The following MST1R variants were observed in gnomAD, a reference collection of about 807,000 sequenced individuals.
MST1R encodes the protein macrophage-stimulating protein receptor.
MST1R carries 99 observed loss-of-function variants against 117.8 expected under a neutral mutation model. The ratio of observed to expected loss-of-function variants is 0.84; its 90% CI spans 0.71 to 0.99. The LOEUF (loss-of-function observed/expected upper bound fraction) is 0.99. MST1R is among the 50% of genes least tolerant of loss of function. MST1R has a pLI of 0.00. For missense variants in MST1R, 1,683 were observed against 1,840.2 expected, an observed-to-expected ratio of 0.91 and a Z score of 1.56; for synonymous variants, 734 against 765.3, an observed-to-expected ratio of 0.96 and a Z score of 0.68.
intron 14 of MST1R, among the ~76,000 whole-genome samples, chr3:49,893,489 A>AGGC (rs2082372853): frequency 6.6e-6 from 1 of 151,642 alleles, no homozygotes; most frequent in African/African-American, 2.4e-5. Flanking sequence ...CTGTAATCCC[A>AGGC]GCTACTAGGG....
chr3:49,902,177 C>T (rs1559483322), intron 1 of MST1R, among the ~76,000 whole-genome samples: 1 of 152,090 alleles, frequency 6.6e-6, no homozygotes, highest in East Asian at 1.9e-4. Flanking sequence ...CAAGGGCCAG[C>T]CTGGGAGCTA....
intron 1 of MST1R, among the ~76,000 whole-genome samples, chr3:49,900,910 T>A (rs554288966): frequency 4.1e-4 from 62 of 152,286 alleles, no homozygotes; most frequent in African/African-American, 1.5e-3. Flanking sequence ...AACCACTATG[T>A]GGGTGCTGCC....
At position 49,902,679 on chromosome 3, in the gene MST1R, C is replaced by A. The variant is rs201805638; in HGVS notation, c.931G>T (p.Ala311Ser). ...RFAPKRRRRG[A>S]PEGGQPYPVL... ...GGGTAGGGCTGTCCGCCTTCTGGGG[C>A]CCCCCGGCGCCTGCGTTTTGGAGCA... Residue 311 changes from alanine (A) to serine (S), a missense_variant, in exon 1 of 20, where the codon GCC (alanine) becomes TCC (serine). Transcript: ENST00000296474. 6.2e-7 allele frequency: 1 copy of A among 1,612,838 alleles called. No individual in the cohort carries two copies. The highest frequency in any genetic ancestry group is 1.7e-5 in the Admixed American group (1 of 60,026).
chr3:49,898,189 A>G lies in MST1R; in HGVS notation c.1742T>C (p.Leu581Pro), dbSNP rs2082547297. The G allele has an allele frequency of 6.2e-7, 1 of 1,613,776 alleles. No homozygotes were observed. The highest frequency in any genetic ancestry group is 1.3e-5 in the African/African-American group (1 of 74,920). The change falls in exon 5 of 20, where the codon CTA (leucine) becomes CCA (proline). Residue 581 changes from leucine to proline, a missense_variant. By Grantham distance (98) the Leu-to-Pro change is moderately conservative (BLOSUM62 -3). Transcript: ENST00000296474. ...LTEFHPHSGP[L>P]RGSTRLTLCG... The stretch of plus-strand genomic sequence containing the variant: ...CAGGGTCAGCCTTGTACTGCCCCTT[A>G]GAGGTCCACTGTGGGGGTGGAACTG...
chr3:49,897,424 G>A lies in MST1R; in HGVS notation c.2047-8C>T, dbSNP rs1299830501. ...TGCTATCAGCACTGGCTCCTAAGAGGACATAGAGGTGGCTTAGGCAGGTCC... is the reference window on the plus strand; with the variant it reads ...TGCTATCAGCACTGGCTCCTAAGAGAACATAGAGGTGGCTTAGGCAGGTCC... On this transcript the variant is annotated splice_polypyrimidine_tract_variant and splice_region_variant and intron_variant, in intron 6 of 19. Coordinates refer to ENST00000296474, the MANE Select transcript of MST1R (RefSeq NM_002447.4). 1 of 1,612,776 alleles carries A rather than the reference G, an allele frequency of 6.2e-7. No individual in the cohort carries two copies. The highest frequency in any genetic ancestry group is 1.3e-5 in the African/African-American group (1 of 75,040).
Position 49,902,477 on chromosome 3 carries a change from A to G in MST1R, c.1133T>C (p.Ile378Thr). 1.9e-6 allele frequency: 3 copies of G among 1,614,168 alleles called. No homozygotes were observed. The highest frequency in any genetic ancestry group is 1.1e-5 in the South Asian group (1 of 91,078). The change falls in exon 1 of 20, where the codon ATT becomes ACT. Residue 378 changes from isoleucine (I) to threonine (T), a missense_variant. By Grantham distance (89) the Ile-to-Thr change is moderately conservative. Coordinates refer to ENST00000296474, the MANE Select transcript of MST1R (RefSeq NM_002447.4). Reference sequence around the variant, plus strand: ...ACAACAGCGCTCCACACCCTCATCAATTAGTGTGTCCAGCAGGTCAATGGG... The same window carrying G: ...ACAACAGCGCTCCACACCCTCATCAGTTAGTGTGTCCAGCAGGTCAATGGG... ...AFPIDLLDTL[I>T]DEGVERCCES...
chr3:49,902,645 C>A lies in MST1R; in HGVS notation c.965G>T (p.Arg322Leu). 6.2e-7 allele frequency: 1 copy of A among 1,613,444 alleles called. No individual in the cohort carries two copies. Among genetic ancestry groups the A allele is most frequent in the Non-Finnish European group, 8.5e-7 (1 of 1,180,030 alleles). Residue 322 changes from arginine (R) to leucine (L), a missense_variant, in exon 1 of 20, where the codon CGG (arginine) becomes CTG (leucine). By Grantham distance (102) the Arg-to-Leu change is moderately radical. Transcript: ENST00000296474. ...ACCCACTGGAGCGGAGTGGGCCACC[C>A]GCAGCACAGGGTAGGGCTGTCCGCC... ...PEGGQPYPVL[R>L]VAHSAPVGAQ...
intron 1 of MST1R, among the ~76,000 whole-genome samples, chr3:49,899,721 G>A (rs1236315234): frequency 2.6e-5 from 4 of 151,730 alleles, no homozygotes; most frequent in Admixed American, 6.6e-5. Context: ...ACAGGTGCTC[G>A]CCACCACCCC....
At position 49,892,604 on chromosome 3, in the gene MST1R, G is replaced by A. The variant is rs561308305; in HGVS notation, c.3272-766C>T. 8.6e-5 allele frequency among the ~76,000 whole-genome samples: 13 copies of A among 151,140 alleles called. No individual in the cohort carries two copies. The East Asian group carries it at 2.4e-3, about 27-fold the overall frequency. ...CTCAGGAGGCTGAGGCAAGAGAATC[G>A]CATAAGCCCAGGAGTTCAAGGCCAG... On this transcript the variant is annotated intron_variant, in intron 14 of 19. Transcript: ENST00000296474.
intron 17 of MST1R, 79 bp downstream of exon 17, chr3:49,891,118 C>T: frequency 7.6e-7 from 1 of 1,316,816 alleles, no homozygotes; most frequent in Non-Finnish European, 1.1e-6. Flanking sequence ...GGAGTGGGCC[C>T]TTCCCTGAGG....
rs1373149535 is a variant in MST1R, at chr3:49,891,762, T to TA, written c.3347dup (p.Ser1117LysfsTer38). On this transcript the variant is annotated frameshift_variant, in exon 15 of 20. Transcript: ENST00000296474. LOFTEE classifies it high-confidence loss of function. ...CCCATCTTCTGCCCCACTTACGACT[T>TA]AGTGACTTGATGGCACATTGGATTC... 3.7e-6 allele frequency: 6 copies of TA among 1,613,934 alleles called. No homozygotes were observed. The highest frequency in any genetic ancestry group is 1.7e-5 in the Admixed American group (1 of 59,984).
rs3733136 is a variant in MST1R at position 49,903,273 on chromosome 3, C to G, written c.337G>C (p.Gly113Arg). The change falls in exon 1 of 20, where the codon GGC becomes CGC. Residue 113 changes from glycine (G) to arginine (R), a missense_variant. Transcript: ENST00000296474. ...TCAACGPGPHGPPGDTDTKVL... is the reference protein window; with the variant it reads ...TCAACGPGPHRPPGDTDTKVL... The stretch of plus-strand genomic sequence containing the variant: ...TTTGTGTCTGTGTCACCGGGAGGGC[C>G]GTGGGGTCCTGGGCCACAGGCTGCA... The G allele has an allele frequency of 4.3e-6, 7 of 1,610,610 alleles. No individual in the cohort carries two copies. The highest frequency in any genetic ancestry group is 5.9e-6 in the Non-Finnish European group (7 of 1,179,956).
At position 49,899,074 on chromosome 3, in the gene MST1R, C is replaced by T. The variant is rs991982679; in HGVS notation, c.1419+1G>A. ...AGGGGACTGTGGGGATGAGGACCCACCTGCAGGATACGCCCATCCATTGTG... is the reference window on the plus strand; with the variant it reads ...AGGGGACTGTGGGGATGAGGACCCATCTGCAGGATACGCCCATCCATTGTG... On this transcript the variant is annotated splice_donor_variant, in intron 2 of 19. Transcript: ENST00000296474. LOFTEE classifies it high-confidence loss of function. The T allele has an allele frequency of 1.4e-5, 22 of 1,613,978 alleles. No individual in the cohort carries two copies. The highest frequency in any genetic ancestry group is 2.2e-5 in the East Asian group (1 of 44,898).
intron 14 of MST1R, 186 bp from the exon 15 acceptor site, chr3:49,892,024 T>C: frequency 4.5e-6 from 2 of 449,406 alleles, no homozygotes; most frequent in Non-Finnish European, 7.9e-6. Context: ...AGTGCAGTGG[T>C]GCAATCTCAA....
At position 49,903,836 on chromosome 3, in the gene MST1R, AGCCGCCTCACCT is replaced by A. The variant is rs2082775577; in HGVS notation, c.-239_-228del. The A allele has an allele frequency of 1.7e-6, 1 of 574,098 alleles. No homozygotes were observed. The highest frequency in any genetic ancestry group is 2.9e-6 in the Non-Finnish European group (1 of 340,168). The allele number at this position is 574,098 out of a possible 1,614,324, so 35.6% of individuals were successfully genotyped here. On this transcript the variant is annotated 5_prime_UTR_variant, in exon 1 of 20. Coordinates refer to ENST00000296474, the MANE Select transcript of MST1R (RefSeq NM_002447.4). ...TGCGGACGCACGACAGCAACGCCCC[AGCCGCCTCACCT>A]GCCGCCCCAGCCGCCGCTGTACACT...
intron 1 of MST1R, among the ~76,000 whole-genome samples, chr3:49,901,256 C>T (rs754563175): frequency 5.5e-4 from 84 of 152,206 alleles, no homozygotes; most frequent in African/African-American, 1.5e-3. Context: ...CTCCCATCTC[C>T]GAGGCATCAA....
chr3:49,888,490 T>C (rs2082226440), intron 19 of MST1R, among the ~76,000 whole-genome samples: 1 of 151,234 alleles, frequency 6.6e-6, no homozygotes. Flanking sequence ...TAGTCCCAGT[T>C]ACTCAGGAGG....
Position 49,891,219 on chromosome 3 carries a change from C to T in MST1R, c.3622G>A (p.Asp1208Asn), listed in dbSNP as rs372151789. The stretch of plus-strand genomic sequence containing the variant: ...CACATGCAGTTCCGCGCAGCCAGGT[C>T]CCTGTGCACAAACTTCTGCTCTGCC... ...YLAEQKFVHR[D>N]LAARNCMLDE... The change falls in exon 17 of 20, where the codon GAC becomes AAC. Residue 1208 changes from aspartate to asparagine, a missense_variant. By Grantham distance (23) the Asp-to-Asn change is conservative. Transcript: ENST00000296474. 34 of 1,613,942 alleles carry T rather than the reference C, an allele frequency of 2.1e-5. No homozygotes were observed. The East Asian group carries it at 4.9e-4, about 23-fold the overall frequency.
At chr3:49,893,856 G>A (rs1264539022) in intron 14 of MST1R, among the ~76,000 whole-genome samples, 1 of 142,938 alleles carries the variant, frequency 7.0e-6, no homozygotes, top group Non-Finnish European at 1.5e-5. Flanking sequence ...TCGAGATCGC[G>A]CCACTGCACT....
Sources: allele counts gnomAD v4.1 joint callset (sites outside exome capture counted in the v4.1 genomes callset), GRCh38; gene constraint gnomAD v4.1.1; transcripts MANE v1.5; gene names NCBI Gene and HGNC (gene_info 2026-07-23, HGNC 2026-07-21).